The following PPP2R5A variants were observed in gnomAD, a reference collection of about 807,000 sequenced individuals.
PPP2R5A encodes protein phosphatase 2 regulatory subunit B'alpha.
PPP2R5A carries 25 observed loss-of-function variants against 64.2 expected under a neutral mutation model. The ratio of observed to expected loss-of-function variants is 0.39; its 90% CI spans 0.28 to 0.54. The LOEUF (loss-of-function observed/expected upper bound fraction) is 0.54, where lower values mean the gene tolerates loss of function less well. Among genes scored for constraint, PPP2R5A ranks in the 20% least tolerant of loss-of-function variants. The pLI is 0.67. For synonymous variants in PPP2R5A, 198 were observed against 201.2 expected, an observed-to-expected ratio of 0.98 and a Z score of 0.13; for missense variants, 425 against 576.3, an observed-to-expected ratio of 0.74 and a Z score of 2.69.
At chr1:212,321,087 C>T (rs866185154) in intron 1 of PPP2R5A, among the ~76,000 whole-genome samples, 36 of 103,904 alleles carry the variant, frequency 3.5e-4, no homozygotes, top group South Asian at 1.0e-3. Flanking sequence ...GCCTCCCTCC[C>T]GGACGGGGCG....
At chr1:212,296,786 A>C (rs987154744) in intron 1 of PPP2R5A, among the ~76,000 whole-genome samples, 1 of 152,254 alleles carries the variant, frequency 6.6e-6, no homozygotes, top group African/African-American at 2.4e-5. Context: ...GAAAAACATC[A>C]TTTATATCAT....
At chr1:212,290,823 C>T (rs1357603848) in intron 1 of PPP2R5A, among the ~76,000 whole-genome samples, 3 of 152,336 alleles carry the variant, frequency 2.0e-5, no homozygotes, top group East Asian at 1.9e-4. Flanking sequence ...TGTCTTCCTG[C>T]ATCAGTGATG....
At chr1:212,322,283 G>GAGGAC (rs1659320717) in intron 1 of PPP2R5A, among the ~76,000 whole-genome samples, 2 of 111,242 alleles carry the variant, frequency 1.8e-5, no homozygotes, top group Non-Finnish European at 1.8e-5. Context: ...AGGGAGAGGA[G>GAGGAC]GGAGAGGGAG....
intron 1 of PPP2R5A, among the ~76,000 whole-genome samples, chr1:212,302,512 T>G (rs2102415197): frequency 6.6e-6 from 1 of 152,344 alleles, no homozygotes; most frequent in South Asian, 2.1e-4. Context: ...AATTGATCTT[T>G]AAACTTTTAG....
chr1:212,322,125 C>G (rs535729626), intron 1 of PPP2R5A, among the ~76,000 whole-genome samples: 2 of 150,980 alleles, frequency 1.3e-5, no homozygotes. Flanking sequence ...TGCAGTGAGC[C>G]GAGATGGCAG....
chr1:212,341,472 ACT>A (rs1274085490), intron 3 of PPP2R5A, among the ~76,000 whole-genome samples: 2 of 152,078 alleles, frequency 1.3e-5, no homozygotes, highest in Admixed American at 6.5e-5. Context: ...GAGGTTGTTG[ACT>A]CTGCATTTAA....
intron 1 of PPP2R5A, among the ~76,000 whole-genome samples, chr1:212,308,792 G>T (rs1658969107): frequency 6.6e-6 from 1 of 152,064 alleles, no homozygotes. Flanking sequence ...CTGTTCTTCA[G>T]ATTGCATAAT....
intron 1 of PPP2R5A, chr1:212,308,929 C>T (rs1448380546): frequency 1.9e-5 from 9 of 462,374 alleles, no homozygotes; most frequent in Middle Eastern, 5.8e-4. Flanking sequence ...TTCCTTTTTT[C>T]TTTTTGTAAA....
At chr1:212,344,647 CAAT>C (rs1322714992) in intron 4 of PPP2R5A, among the ~76,000 whole-genome samples, 4 of 152,000 alleles carry the variant, frequency 2.6e-5, no homozygotes, top group Non-Finnish European at 5.9e-5. Context: ...TAAGAAAATC[CAAT>C]GTTTAAAATA....
intron 1 of PPP2R5A, among the ~76,000 whole-genome samples, chr1:212,317,153 A>G (rs929844216): frequency 1.3e-5 from 2 of 151,834 alleles, no homozygotes; most frequent in African/African-American, 2.4e-5. Flanking sequence ...TTCTCTACCT[A>G]CTTTGAGTTT....
chr1:212,323,809 C>T (rs1042786933), intron 1 of PPP2R5A, among the ~76,000 whole-genome samples: 6 of 152,160 alleles, frequency 3.9e-5, no homozygotes, highest in Admixed American at 6.5e-5. Flanking sequence ...CACGGTGGCT[C>T]ACGCCTGTAA....
intron 8 of PPP2R5A, chr1:212,352,768 C>T (rs554015802): frequency 6.6e-5 from 34 of 518,392 alleles, no homozygotes; most frequent in Admixed American, 2.7e-4. Flanking sequence ...TTTTCAATTA[C>T]GCATATCAAA....
At chr1:212,312,451 T>C (rs1320944086) in intron 1 of PPP2R5A, among the ~76,000 whole-genome samples, 2 of 152,230 alleles carry the variant, frequency 1.3e-5, no homozygotes, top group Non-Finnish European at 2.9e-5. Flanking sequence ...GCTATAAAAA[T>C]GGCTGTTTTA....
chr1:212,344,209 A>G (rs1426236926), intron 4 of PPP2R5A, among the ~76,000 whole-genome samples: 1 of 152,194 alleles, frequency 6.6e-6, no homozygotes, highest in African/African-American at 2.4e-5. Flanking sequence ...CCTGACCTCA[A>G]GTGATCCGCC....
intron 1 of PPP2R5A, among the ~76,000 whole-genome samples, chr1:212,289,136 T>C (rs1002399447): frequency 6.6e-6 from 1 of 152,270 alleles, no homozygotes; most frequent in Non-Finnish European, 1.5e-5. Context: ...CTTGGTTTGG[T>C]AAAGTAGTTG....
intron 12 of PPP2R5A, among the ~76,000 whole-genome samples, chr1:212,360,121 G>GAGAA (rs1212058087): frequency 3.9e-5 from 6 of 152,278 alleles, no homozygotes; most frequent in Admixed American, 3.3e-4. Context: ...TTTTGTTCTA[G>GAGAA]AGAAAGATTA....
At chr1:212,311,415 A>G (rs1050069870) in intron 1 of PPP2R5A, among the ~76,000 whole-genome samples, 2 of 152,026 alleles carry the variant, frequency 1.3e-5, no homozygotes, top group African/African-American at 4.8e-5. Context: ...GCAGTGAGCC[A>G]TGATCGTGCC....
At chr1:212,317,861 C>T (rs2102424233) in intron 1 of PPP2R5A, among the ~76,000 whole-genome samples, 2 of 152,004 alleles carry the variant, frequency 1.3e-5, no homozygotes, top group South Asian at 4.2e-4. Flanking sequence ...TGGTGGGCGC[C>T]TGTAGTCCCA....
At chr1:212,357,954 A>G (rs1414742166) in intron 11 of PPP2R5A, 1 of 152,204 alleles carries the variant, frequency 6.6e-6, no homozygotes, top group African/African-American at 2.4e-5. Flanking sequence ...GCACCACCAT[A>G]CCCAGCGAAT....
Sources: allele counts gnomAD v4.1 joint callset (sites outside exome capture counted in the v4.1 genomes callset), GRCh38; gene constraint gnomAD v4.1.1; transcripts MANE v1.5; gene names NCBI Gene and HGNC (gene_info 2026-07-23, HGNC 2026-07-21).